ZBTB20: variants seen among roughly 807,000 people sequenced by gnomAD.
ZBTB20 encodes zinc finger and BTB domain-containing protein 20.
ZBTB20 carries 9 observed loss-of-function variants against 56.9 expected under a neutral mutation model. That is an observed-to-expected ratio of 0.16 (90% CI 0.10 to 0.28). ZBTB20 has a LOEUF of 0.28. Among genes scored for constraint, ZBTB20 ranks in the 10% least tolerant of loss-of-function variants. The pLI is 1.00. For synonymous variants in ZBTB20, 417 were observed against 420.7 expected (o/e 0.99, Z 0.11); for missense variants, 655 against 1,003.0 (o/e 0.65, Z 4.69).
At chr3:114,889,934 GGAA>G (rs2076743280) in intron 4 of ZBTB20, among the ~76,000 whole-genome samples, 1 of 152,114 alleles carries the variant, frequency 6.6e-6, no homozygotes, top group Non-Finnish European at 1.5e-5. Context: ...AATGAGAGGA[GGAA>G]GAAGAAGAGA....
chr3:114,452,411 A>G (rs2091677235), intron 7 of ZBTB20, among the ~76,000 whole-genome samples: 2 of 152,214 alleles, frequency 1.3e-5, no homozygotes, highest in South Asian at 2.1e-4. Flanking sequence ...TGGATTTGCC[A>G]AAAGTTCCCC....
At position 115,145,221 on chromosome 3, in the gene ZBTB20, C is replaced by A. The variant is rs1376079668; in HGVS notation, c.-703+1998G>T. On this transcript the variant is annotated intron_variant, in intron 1 of 11. Coordinates refer to ENST00000675478, the MANE Select transcript of ZBTB20 (RefSeq NM_001348800.3). ...CAACTTTGATATATTCTAAGAATCACAAAGAACAAAGGCATGAAAATCAAT... is the reference window on the plus strand; with the variant it reads ...CAACTTTGATATATTCTAAGAATCAAAAAGAACAAAGGCATGAAAATCAAT... Among the ~76,000 whole-genome samples the A allele has an allele frequency of 3.9e-5, 6 of 152,106 alleles. No homozygotes were observed. In the East Asian group the frequency reaches 1.2e-3, roughly 29 times the overall value.
At chr3:114,850,412 C>T (rs2074942353) in intron 4 of ZBTB20, among the ~76,000 whole-genome samples, 1 of 152,198 alleles carries the variant, frequency 6.6e-6, no homozygotes, top group Non-Finnish European at 1.5e-5. Context: ...GATACTTCAT[C>T]TTAACTAGTA....
chr3:114,838,124 G>A (rs116910657), intron 4 of ZBTB20, among the ~76,000 whole-genome samples: 5 of 152,212 alleles, frequency 3.3e-5, no homozygotes, highest in East Asian at 3.9e-4. Context: ...CCATACTGTC[G>A]GAGACCTAAT....
At chr3:114,569,896 T>G (rs1301533484) in intron 6 of ZBTB20, among the ~76,000 whole-genome samples, 1 of 152,116 alleles carries the variant, frequency 6.6e-6, no homozygotes, top group Non-Finnish European at 1.5e-5. Context: ...TTCACTTTTA[T>G]GCATAAACAC....
intron 2 of ZBTB20, among the ~76,000 whole-genome samples, chr3:114,992,310 T>C (rs938375180): frequency 5.3e-5 from 8 of 152,022 alleles, no homozygotes; most frequent in Admixed American, 3.9e-4. Context: ...TGCACTTCTA[T>C]AGAAAAATTA....
chr3:114,485,111 C>T (rs368881583), intron 7 of ZBTB20, among the ~76,000 whole-genome samples: 7 of 152,298 alleles, frequency 4.6e-5, no homozygotes, highest in African/African-American at 1.4e-4. Context: ...TTCCCTGGAT[C>T]CGCATGCTGG....
chr3:114,922,708 G>C (rs1319020924), intron 3 of ZBTB20, among the ~76,000 whole-genome samples: 1 of 152,214 alleles, frequency 6.6e-6, no homozygotes, highest in East Asian at 1.9e-4. Flanking sequence ...ATGGCAGAAG[G>C]TAAAGTGAAG....
chr3:115,057,168 G>A (rs1010506224), intron 2 of ZBTB20, among the ~76,000 whole-genome samples: 1 of 151,982 alleles, frequency 6.6e-6, no homozygotes, highest in African/African-American at 2.4e-5. Flanking sequence ...TGCAATTATT[G>A]ATTGCAATTT....
intron 2 of ZBTB20, among the ~76,000 whole-genome samples, chr3:115,046,878 A>G (rs566210370): frequency 6.6e-6 from 1 of 152,306 alleles, no homozygotes; most frequent in Admixed American, 6.5e-5. Context: ...GTTTTTAGTG[A>G]TAAGAAAAAC....
chr3:114,444,694 T>A (rs1353408550), intron 7 of ZBTB20, among the ~76,000 whole-genome samples: 1 of 152,146 alleles, frequency 6.6e-6, no homozygotes, highest in Non-Finnish European at 1.5e-5. Flanking sequence ...GAATATCATT[T>A]CTTAATCTGT....
At position 114,409,125 on chromosome 3, in the gene ZBTB20, CTTTTTTTTTT is replaced by C. The variant is rs56339103; in HGVS notation, c.-254-20030_-254-20021del. ...TTCTAAGAGGGGGAAAAAGGGAAGACTTTTTTTTTTTTTTTTTTTTTTTTTTTTCTGAGAG... is the reference window on the plus strand; with the variant it reads ...TTCTAAGAGGGGGAAAAAGGGAAGACTTTTTTTTTTTTTTTTTTCTGAGAG... On this transcript the variant is annotated intron_variant, in intron 7 of 11. Transcript: ENST00000675478. 3.6e-3 allele frequency among the ~76,000 whole-genome samples: 256 copies of C among 71,990 alleles called. 1 individual carries two copies. The highest frequency in any genetic ancestry group is 0.011 in the African/African-American group (188 of 16,658). The allele number at this position is 71,990 out of a possible 152,430, so 47.2% of individuals were successfully genotyped here. A position where few individuals can be genotyped will look rare whatever the true frequency, so the allele number is the denominator to read the frequency against.
chr3:115,053,391 C>T (rs1329429260), intron 2 of ZBTB20, among the ~76,000 whole-genome samples: 1 of 152,044 alleles, frequency 6.6e-6, no homozygotes, highest in Admixed American at 6.6e-5. Context: ...TTTTTGGTGT[C>T]ATCAAATATT....
At chr3:114,583,209 GGAA>G (rs1345630372) in intron 6 of ZBTB20, among the ~76,000 whole-genome samples, 1 of 152,162 alleles carries the variant, frequency 6.6e-6, no homozygotes, top group Non-Finnish European at 1.5e-5. Context: ...CTCACATTGT[GGAA>G]GAAAAGTGCC....
chr3:115,040,336 A>G (rs2081090371), intron 2 of ZBTB20, among the ~76,000 whole-genome samples: 1 of 152,136 alleles, frequency 6.6e-6, no homozygotes, highest in South Asian at 2.1e-4. Context: ...AATCATTTTC[A>G]AAGTTTAAGA....
At chr3:114,870,886 T>G (rs1299591212) in intron 4 of ZBTB20, among the ~76,000 whole-genome samples, 1 of 152,102 alleles carries the variant, frequency 6.6e-6, no homozygotes, top group African/African-American at 2.4e-5. Flanking sequence ...CTCCTCATTT[T>G]TCCTGTCTCT....
At chr3:114,903,898 G>C (rs2075223316) in intron 3 of ZBTB20, among the ~76,000 whole-genome samples, 1 of 151,900 alleles carries the variant, frequency 6.6e-6, no homozygotes, top group Non-Finnish European at 1.5e-5. Context: ...AAAAACGTTA[G>C]AGTCAGTTTT....
At chr3:114,450,551 T>C (rs1280619122) in intron 7 of ZBTB20, among the ~76,000 whole-genome samples, 1 of 152,088 alleles carries the variant, frequency 6.6e-6, no homozygotes, top group Non-Finnish European at 1.5e-5. Context: ...CTGTAAAAAA[T>C]AATTTTAGAG....
Position 115,036,650 on chromosome 3 carries a change from T to C in ZBTB20, c.-507+34569A>G, listed in dbSNP as rs534915016. ...GGATGGTCTCGATCTCTTGACCTCA[T>C]GATCTGCCTGCCTCGGCCTCCCAAA... On this transcript the variant is annotated intron_variant, in intron 2 of 11. Transcript: ENST00000675478. Among the ~76,000 whole-genome samples the C allele has an allele frequency of 3.9e-5, 6 of 152,218 alleles. No homozygotes were observed. In the East Asian group the frequency reaches 1.2e-3, roughly 29 times the overall value.
Sources: gnomAD v4.1 joint callset for allele counts (sites outside exome capture counted in the v4.1 genomes callset) on GRCh38, gnomAD v4.1.1 for gene constraint, MANE v1.5 for transcripts, NCBI Gene and HGNC (gene_info 2026-07-23, HGNC 2026-07-21) for gene names.